Variants in KCNC2 observed in about 807,000 individuals in gnomAD.
KCNC2 encodes the protein potassium voltage-gated channel subfamily C member 2.
Under a neutral mutation model 44.5 loss-of-function variants are expected in KCNC2, and 21 were observed. That is an observed-to-expected ratio of 0.47 (90% CI 0.33 to 0.68). The LOEUF is 0.68. Ranked by LOEUF, KCNC2 falls within the 30% of genes least tolerant of loss-of-function variation. The pLI, the probability that KCNC2 is intolerant of heterozygous loss-of-function variation, is 0.01. For synonymous variants in KCNC2, 391 were observed against 339.1 expected (o/e 1.15, Z -1.68); for missense variants, 589 against 826.2 (o/e 0.71, Z 3.52).
chr12:75,077,947 G>C (rs992506162), intron 2 of KCNC2, among the ~76,000 whole-genome samples: 2 of 151,912 alleles, frequency 1.3e-5, no homozygotes, highest in African/African-American at 4.8e-5. Flanking sequence ...TAGTCATTCT[G>C]AGTTCTACCA....
intron 2 of KCNC2, among the ~76,000 whole-genome samples, chr12:75,133,468 C>G (rs1319787200): frequency 6.6e-6 from 1 of 151,116 alleles, no homozygotes; most frequent in Admixed American, 6.6e-5. Context: ...AAACAATTAG[C>G]TACCTATAAC....
intron 2 of KCNC2, among the ~76,000 whole-genome samples, chr12:75,095,859 T>A (rs1315731112): frequency 2.6e-5 from 4 of 151,962 alleles, no homozygotes; most frequent in Non-Finnish European, 5.9e-5. Flanking sequence ...TTTCATACCA[T>A]AATTATAATA....
chr12:75,192,670 T>C (rs372349900), intron 2 of KCNC2, among the ~76,000 whole-genome samples: 1 of 152,196 alleles, frequency 6.6e-6, no homozygotes, highest in Non-Finnish European at 1.5e-5. Flanking sequence ...ATTGTGTATG[T>C]ATTTGGGGAT....
chr12:75,168,663 A>T (rs1466088818), intron 2 of KCNC2, among the ~76,000 whole-genome samples: 4 of 151,502 alleles, frequency 2.6e-5, no homozygotes, highest in Non-Finnish European at 5.9e-5. Flanking sequence ...CCATACCAAA[A>T]CTGGCAGAGG....
intron 2 of KCNC2, among the ~76,000 whole-genome samples, chr12:75,155,474 A>T (rs566742958): frequency 6.6e-6 from 1 of 152,034 alleles, no homozygotes; most frequent in Admixed American, 6.6e-5. Context: ...GAATGAAGTC[A>T]GTACAAGCAT....
intron 1 of KCNC2, among the ~76,000 whole-genome samples, chr12:75,208,769 C>G (rs978034851): frequency 1.3e-5 from 2 of 152,082 alleles, no homozygotes; most frequent in Non-Finnish European, 2.9e-5. Flanking sequence ...TTGCTTTTCA[C>G]CTAGGAGACC....
At chr12:75,100,182 T>C (rs1886263129) in intron 2 of KCNC2, among the ~76,000 whole-genome samples, 1 of 152,222 alleles carries the variant, frequency 6.6e-6, no homozygotes, top group East Asian at 1.9e-4. Flanking sequence ...AGTTCTATAG[T>C]CTTTTTCATA....
intron 2 of KCNC2, among the ~76,000 whole-genome samples, chr12:75,166,160 A>G (rs1891437335): frequency 6.6e-6 from 1 of 151,276 alleles, no homozygotes; most frequent in African/African-American, 2.4e-5. Flanking sequence ...TTGGTATGAG[A>G]GAAATAAACA....
At chr12:75,129,415 A>G (rs924936497) in intron 2 of KCNC2, among the ~76,000 whole-genome samples, 3 of 152,200 alleles carry the variant, frequency 2.0e-5, no homozygotes, top group Non-Finnish European at 4.4e-5. Flanking sequence ...CATTCAGTGT[A>G]CCAAGTGCTA....
intron 2 of KCNC2, among the ~76,000 whole-genome samples, chr12:75,113,700 A>T (rs1399046040): frequency 6.6e-6 from 1 of 152,172 alleles, no homozygotes; most frequent in Non-Finnish European, 1.5e-5. Flanking sequence ...AAATCTCAGA[A>T]GTCCATCTTT....
At position 75,041,967 on chromosome 12, in the gene KCNC2, G is replaced by A. The variant is rs975656967; in HGVS notation, c.*1138C>T. On this transcript the variant is annotated 3_prime_UTR_variant, in exon 5 of 5. Transcript: ENST00000549446. ...ATATACAGGAAAGACAGGGAGCTAA[G>A]ACAGACAAGAACAACATACAGGACA... 1 of 1,021,290 alleles carries A rather than the reference G, an allele frequency of 9.8e-7. No individual in the cohort carries two copies. The allele number at this position is 1,021,290 out of a possible 1,614,324, so 63.3% of individuals were successfully genotyped here.
In KCNC2 at chr12:75,042,437, C is replaced by A; in HGVS notation, c.*668G>T. On this transcript the variant is annotated 3_prime_UTR_variant, in exon 5 of 5. Transcript: ENST00000549446. Reference sequence around the variant, plus strand: ...ACAGCATTTTTGAAGAAAAGTAAATCAATCAAGAAATTAAACTATTTAAAA... The same window carrying A: ...ACAGCATTTTTGAAGAAAAGTAAATAAATCAAGAAATTAAACTATTTAAAA... The A allele has an allele frequency of 6.4e-7, 1 of 1,573,860 alleles. No homozygotes were observed. Among genetic ancestry groups the A allele is most frequent in the South Asian group, 1.2e-5 (1 of 85,706 alleles).
chr12:75,177,055 TATAC>T lies in KCNC2; in HGVS notation c.687+30238_687+30241del, dbSNP rs773105726. On this transcript the variant is annotated intron_variant, in intron 2 of 4. Coordinates refer to ENST00000549446, the MANE Select transcript of KCNC2 (RefSeq NM_139137.4). ...TTTTATATATATATATATATATATA[TATAC>T]ACACACACACTGTACTTCAACTCTG... is the stretch of plus-strand genomic sequence containing the variant. Among the ~76,000 whole-genome samples, 614 of 147,066 alleles carry T rather than the reference TATAC, an allele frequency of 4.2e-3. 2 individuals are homozygous for T. Among genetic ancestry groups the T allele is most frequent in the Middle Eastern group, 0.036 (10 of 276 alleles).
At chr12:75,126,928 G>A (rs943804019) in intron 2 of KCNC2, among the ~76,000 whole-genome samples, 16 of 152,044 alleles carry the variant, frequency 1.1e-4, no homozygotes, top group African/African-American at 3.4e-4. Context: ...CATGACACTG[G>A]CATATTAAAA....
chr12:75,093,191 A>G (rs1449332770), intron 2 of KCNC2, among the ~76,000 whole-genome samples: 1 of 151,666 alleles, frequency 6.6e-6, no homozygotes, highest in Non-Finnish European at 1.5e-5. Flanking sequence ...ATAAATGTAC[A>G]TATTCAAATA....
intron 2 of KCNC2, among the ~76,000 whole-genome samples, chr12:75,112,277 AT>A (rs759844360): frequency 6.6e-6 from 1 of 151,910 alleles, no homozygotes; most frequent in South Asian, 2.1e-4. Context: ...AAAGAAAAAA[AT>A]ATTTCAGTTG....
At chr12:75,127,818 A>C (rs971939307) in intron 2 of KCNC2, among the ~76,000 whole-genome samples, 4 of 152,172 alleles carry the variant, frequency 2.6e-5, no homozygotes, top group Non-Finnish European at 5.9e-5. Context: ...TTTAATATTA[A>C]AGTGTCATAG....
At chr12:75,132,274 G>A (rs2137349177) in intron 2 of KCNC2, among the ~76,000 whole-genome samples, 1 of 152,204 alleles carries the variant, frequency 6.6e-6, no homozygotes, top group Admixed American at 6.5e-5. Context: ...AAAATCAAAT[G>A]TATTTGTGGA....
chr12:75,110,147 C>T (rs1479528861), intron 2 of KCNC2, among the ~76,000 whole-genome samples: 1 of 151,982 alleles, frequency 6.6e-6, no homozygotes, highest in Non-Finnish European at 1.5e-5. Flanking sequence ...AAAACGTTTT[C>T]TAAACTGAAG....
Sources: allele counts gnomAD v4.1 joint callset (sites outside exome capture counted in the v4.1 genomes callset), GRCh38; gene constraint gnomAD v4.1.1; transcripts MANE v1.5; gene names NCBI Gene and HGNC (gene_info 2026-07-23, HGNC 2026-07-21).